The following LPCAT1 variants were observed in gnomAD, a reference collection of about 807,000 sequenced individuals.
LPCAT1 encodes 1-acylglycerol-3-phosphate O-acyltransferase.
In LPCAT1, 23 loss-of-function variants were observed where a neutral mutation model predicts 60.9. The ratio of observed to expected loss-of-function variants is 0.38; its 90% CI spans 0.27 to 0.53. The LOEUF (loss-of-function observed/expected upper bound fraction) is 0.53, where lower values mean the gene tolerates loss of function less well. Ranked by LOEUF, LPCAT1 falls within the 20% of genes least tolerant of loss-of-function variation. The probability of loss-of-function intolerance (pLI) is 0.82; values close to 1 mark genes in which losing one functional copy is unlikely to be tolerated. For missense variants in LPCAT1, 622 were observed against 723.6 expected, an observed-to-expected ratio of 0.86 and a Z score of 1.61; for synonymous variants, 340 against 301.1, an observed-to-expected ratio of 1.13 and a Z score of -1.34.
chr5:1,518,483 G>A (rs1736575977), intron 1 of LPCAT1, among the ~76,000 whole-genome samples: 1 of 152,220 alleles, frequency 6.6e-6, no homozygotes, highest in African/African-American at 2.4e-5. Flanking sequence ...TGGGACTGCA[G>A]GCACCTGCCA....
intron 1 of LPCAT1, among the ~76,000 whole-genome samples, chr5:1,511,011 G>A (rs1736339720): frequency 6.6e-6 from 1 of 152,204 alleles, no homozygotes; most frequent in Non-Finnish European, 1.5e-5. Context: ...CCATGGGGGA[G>A]CACACCTTCC....
chr5:1,465,819 T>G (rs1734369143), intron 13 of LPCAT1, among the ~76,000 whole-genome samples: 1 of 150,978 alleles, frequency 6.6e-6, no homozygotes, highest in Admixed American at 6.6e-5. Flanking sequence ...CGCACATGCG[T>G]GCACACACGT....
intron 1 of LPCAT1, among the ~76,000 whole-genome samples, chr5:1,512,369 G>A (rs949567468): frequency 1.3e-5 from 2 of 152,150 alleles, no homozygotes; most frequent in South Asian, 2.1e-4. Flanking sequence ...ACAAGGCCCC[G>A]GCCCAAGAGC....
intron 1 of LPCAT1, chr5:1,510,830 G>C (rs1444514790): frequency 6.6e-6 from 1 of 152,646 alleles, no homozygotes; most frequent in Non-Finnish European, 1.5e-5. Context: ...CTGGAGGGCA[G>C]GCAGGCCTGG....
rs1370597247 is a variant in LPCAT1, at chr5:1,495,990, G to A, written c.279-1076C>T. ...CATGGAGATGCTGGGGACCAACCCA[G>A]GGTGCTGCTTGTCTAGAGGAGGGGG... is the stretch of plus-strand genomic sequence containing the variant. On this transcript the variant is annotated intron_variant, in intron 2 of 13. Transcript: ENST00000283415. This position sits in a 1 kb window ranked among gnomAD's most constrained non-coding sequence, Gnocchi z 4.7. Among the ~76,000 whole-genome samples the A allele has an allele frequency of 3.9e-5, 6 of 152,232 alleles. No individual in the cohort carries two copies. Among genetic ancestry groups the A allele is most frequent in the Non-Finnish European group, 8.8e-5 (6 of 68,048 alleles).
rs1477392771 is a variant in LPCAT1 at position 1,518,202 on chromosome 5, G to A, written c.135+5508C>T. On this transcript the variant is annotated intron_variant, in intron 1 of 13. Coordinates refer to ENST00000283415, the MANE Select transcript of LPCAT1 (RefSeq NM_024830.5). ...GATGAAGGGCTTGGGCCGGGTGACT[G>A]GCTGGACGCCTTCCAGAGAAAAGGC... Among the ~76,000 whole-genome samples the A allele has an allele frequency of 1.3e-5, 2 of 152,242 alleles. 1 individual carries two copies. Among genetic ancestry groups the A allele is most frequent in the African/African-American group, 4.8e-5 (2 of 41,454 alleles).
At chr5:1,475,068 G>A (rs1375466401) in intron 9 of LPCAT1, among the ~76,000 whole-genome samples, 2 of 152,234 alleles carry the variant, frequency 1.3e-5, no homozygotes, top group Non-Finnish European at 2.9e-5. Flanking sequence ...GTGCTAATAG[G>A]CTTGCTCAAC....
rs1188994716 is a variant in LPCAT1, at chr5:1,502,666, G to T, written c.136-1063C>A. Among the ~76,000 whole-genome samples the T allele has an allele frequency of 6.6e-6, 1 of 151,988 alleles. No homozygotes were observed. The highest frequency in any genetic ancestry group is 2.4e-5 in the African/African-American group (1 of 41,366). On this transcript the variant is annotated intron_variant, in intron 1 of 13. Coordinates refer to ENST00000283415, the MANE Select transcript of LPCAT1 (RefSeq NM_024830.5). The surrounding 1 kb of genome is among the most constrained non-coding windows in gnomAD (Gnocchi z 5.5). The stretch of plus-strand genomic sequence containing the variant: ...GAGGGGCGGGAGGCTTTGGGTGAGG[G>T]GAAACACCAGTCCTGAGGTGCAGGT...
chr5:1,517,551 G>A (rs1444715103), intron 1 of LPCAT1, among the ~76,000 whole-genome samples: 2 of 152,242 alleles, frequency 1.3e-5, no homozygotes, highest in African/African-American at 4.8e-5. Context: ...CCGGGCATGG[G>A]CCAGACACCC....
intron 3 of LPCAT1, among the ~76,000 whole-genome samples, chr5:1,493,045 T>C (rs976447447): frequency 3.3e-5 from 5 of 152,242 alleles, no homozygotes; most frequent in African/African-American, 1.2e-4. Flanking sequence ...CCCATGAGCC[T>C]GTGGAGCTTG....
Position 1,495,337 on chromosome 5 carries a change from G to C in LPCAT1, c.279-423C>G, listed in dbSNP as rs974701435. Among the ~76,000 whole-genome samples the C allele has an allele frequency of 2.0e-5, 3 of 151,926 alleles. No individual in the cohort carries two copies. The highest frequency in any genetic ancestry group is 1.3e-4 in the Admixed American group (2 of 15,256). ...AAAACGCATATCGCAATATGGGGGG[G>C]GGGGCGCTCAGAGCTGAGGGCGGAA... On this transcript the variant is annotated intron_variant, in intron 2 of 13. Transcript: ENST00000283415. This position sits in a 1 kb window ranked among gnomAD's most constrained non-coding sequence, Gnocchi z 4.7.
At position 1,495,692 on chromosome 5, in the gene LPCAT1, T is replaced by C. The variant is rs779836194; in HGVS notation, c.279-778A>G. ...CCACAGGTCAGGCACACAGAGAACA[T>C]GATTCAGCCTCATGAGAAGCCACGG... On this transcript the variant is annotated intron_variant, in intron 2 of 13. Transcript: ENST00000283415. The surrounding 1 kb of genome is among the most constrained non-coding windows in gnomAD (Gnocchi z 4.7). 2.0e-5 allele frequency among the ~76,000 whole-genome samples: 3 copies of C among 152,014 alleles called. No individual in the cohort carries two copies. Among genetic ancestry groups the C allele is most frequent in the Non-Finnish European group, 4.4e-5 (3 of 68,010 alleles).
At chr5:1,482,233 C>A (rs1303300456) in intron 6 of LPCAT1, among the ~76,000 whole-genome samples, 6 of 151,574 alleles carry the variant, frequency 4.0e-5, no homozygotes, top group Non-Finnish European at 8.8e-5. Flanking sequence ...GAAGGGGGAA[C>A]ACAGCTGGCA....
chr5:1,510,629 T>G (rs922962677), intron 1 of LPCAT1: 2 of 152,302 alleles, frequency 1.3e-5, no homozygotes, highest in African/African-American at 4.8e-5. Flanking sequence ...CGACACCCTG[T>G]GACTGGGGAA....
At chr5:1,513,035 G>T (rs1274730073) in intron 1 of LPCAT1, among the ~76,000 whole-genome samples, 1 of 152,192 alleles carries the variant, frequency 6.6e-6, no homozygotes, top group Non-Finnish European at 1.5e-5. Flanking sequence ...GAAATCAGGA[G>T]TAGAGAGTGC....
At position 1,483,239 on chromosome 5, in the gene LPCAT1, G is replaced by C. The variant is rs1437783299; in HGVS notation, c.726+189C>G. Among the ~76,000 whole-genome samples the C allele has an allele frequency of 6.6e-6, 1 of 152,140 alleles. No individual in the cohort carries two copies. Among genetic ancestry groups the C allele is most frequent in the Non-Finnish European group, 1.5e-5 (1 of 68,018 alleles). The stretch of plus-strand genomic sequence containing the variant: ...AACAGGCCGCACTCAGGAACGTGCC[G>C]AGCCCAGGGCCCGGGCCTGTCCTGC... On this transcript the variant is annotated intron_variant, in intron 6 of 13. Coordinates refer to ENST00000283415, the MANE Select transcript of LPCAT1 (RefSeq NM_024830.5). This position sits in a 1 kb window ranked among gnomAD's most constrained non-coding sequence, Gnocchi z 9.2.
chr5:1,509,020 C>T (rs1329654977), intron 1 of LPCAT1, among the ~76,000 whole-genome samples: 3 of 152,262 alleles, frequency 2.0e-5, no homozygotes, highest in Non-Finnish European at 4.4e-5. Flanking sequence ...TGCGGTGAGG[C>T]CCACCAGGCG....
intron 1 of LPCAT1, among the ~76,000 whole-genome samples, chr5:1,509,098 A>C (rs1411599574): frequency 6.6e-6 from 1 of 152,240 alleles, no homozygotes; most frequent in Non-Finnish European, 1.5e-5. Context: ...CAGCCAGTGA[A>C]GGGGCTCCAA....
In LPCAT1 at chr5:1,521,458, C is replaced by T. The variant is rs7716426; in HGVS notation, c.135+2252G>A. The T allele has an allele frequency of 0.12, 122,889 of 984,780 alleles. 8,580 individuals are homozygous for T. The highest frequency in any genetic ancestry group is 0.25 in the South Asian group (5,386 of 21,242). 61.0% of individuals were successfully genotyped at this position (984,780 alleles called of 1,614,324 possible). A position where few individuals can be genotyped will look rare whatever the true frequency, so the allele number is the denominator to read the frequency against. On this transcript the variant is annotated intron_variant, in intron 1 of 13. Coordinates refer to ENST00000283415, the MANE Select transcript of LPCAT1 (RefSeq NM_024830.5). The surrounding 1 kb of genome is among the most constrained non-coding windows in gnomAD (Gnocchi z 4.3). ...AAGAAGGCTTTCTTGGCTTGAAAGA[C>T]AGGCTATTTCACTCTGTGGAAACTT...
Sources: gnomAD v4.1 joint callset for allele counts (sites outside exome capture counted in the v4.1 genomes callset) on GRCh38, gnomAD v4.1.1 for gene constraint, Gnocchi (gnomAD v3.1) non-coding constraint, MANE v1.5 for transcripts, NCBI Gene and HGNC (gene_info 2026-07-23, HGNC 2026-07-21) for gene names.